Variants in KCTD3 observed in about 807,000 individuals in gnomAD.
KCTD3 encodes BTB/POZ domain-containing protein KCTD3.
KCTD3 carries 41 observed loss-of-function variants against 85.8 expected under a neutral mutation model. The ratio of observed to expected loss-of-function variants is 0.48; its 90% CI spans 0.37 to 0.62. KCTD3 has a LOEUF of 0.62. Among genes scored for constraint, KCTD3 ranks in the 20% least tolerant of loss-of-function variants. The probability of loss-of-function intolerance (pLI) is 0.00; values close to 1 mark genes in which losing one functional copy is unlikely to be tolerated. For missense variants in KCTD3, 724 were observed against 989.9 expected, an observed-to-expected ratio of 0.73 and a Z score of 3.60; for synonymous variants, 338 against 345.4, an observed-to-expected ratio of 0.98 and a Z score of 0.24.
At chr1:215,569,689 A>G (rs138888709) in intron 1 of KCTD3, among the ~76,000 whole-genome samples, 2,326 of 146,344 alleles carry the variant, frequency 0.016, 53 homozygotes, top group African/African-American at 0.054. Context: ...TCCGCCTCCC[A>G]GGTTCGCGCC....
rs1655617585 is a variant in KCTD3, at chr1:215,620,258, A to G, written c.2088A>G (p.Glu696=). Residue 696 remains glutamate, a synonymous_variant, in exon 18 of 18, where the codon GAA becomes GAG. Coordinates refer to ENST00000259154, the MANE Select transcript of KCTD3 (RefSeq NM_016121.5). ...ENGNLGPIQA[E]VKGATGECNI... is the part of the protein sequence containing the mutation. The stretch of plus-strand genomic sequence containing the variant: ...GTAACTTGGGTCCAATACAAGCTGA[A>G]GTGAAAGGGGCAACAGGGGAATGTA... 1 of 1,613,852 alleles carries G rather than the reference A, an allele frequency of 6.2e-7. No homozygotes were observed. The highest frequency in any genetic ancestry group is 8.5e-7 in the Non-Finnish European group (1 of 1,179,872).
intron 3 of KCTD3, among the ~76,000 whole-genome samples, chr1:215,575,054 C>T (rs1281390123): frequency 6.6e-6 from 1 of 152,082 alleles, no homozygotes; most frequent in African/African-American, 2.4e-5. Context: ...AAGTTCAAGA[C>T]CAGCATGGCC....
intron 15 of KCTD3, among the ~76,000 whole-genome samples, chr1:215,616,062 G>A (rs1655435223): frequency 6.6e-6 from 1 of 152,146 alleles, no homozygotes; most frequent in African/African-American, 2.4e-5. Flanking sequence ...TATGCTTCAT[G>A]GCTAGCTTTG....
chr1:215,588,492 T>A (rs1660097700), intron 9 of KCTD3, among the ~76,000 whole-genome samples: 1 of 151,944 alleles, frequency 6.6e-6, no homozygotes, highest in Non-Finnish European at 1.5e-5. Context: ...AATGCAATGG[T>A]CACTAGTAAA....
At chr1:215,596,203 G>A (rs532057919) in intron 10 of KCTD3, among the ~76,000 whole-genome samples, 1 of 152,304 alleles carries the variant, frequency 6.6e-6, no homozygotes, top group African/African-American at 2.4e-5. Context: ...TGACAATCCA[G>A]TAGCTAGTAG....
At position 215,602,207 on chromosome 1, in the gene KCTD3, T is replaced by C. The variant is rs774091695; in HGVS notation, c.1138+6T>C. On this transcript the variant is annotated splice_donor_region_variant and intron_variant, in intron 12 of 17. Transcript: ENST00000259154. Reference sequence around the variant, plus strand: ...TTACCTCACACCCAAAACAAGTTAGTACATGGCCAATTATATACATTCTTG... The same window carrying C: ...TTACCTCACACCCAAAACAAGTTAGCACATGGCCAATTATATACATTCTTG... 1.5e-6 allele frequency: 2 copies of C among 1,353,094 alleles called. No homozygotes were observed. The highest frequency in any genetic ancestry group is 2.1e-6 in the Non-Finnish European group (2 of 955,662). 83.8% of individuals were successfully genotyped at this position (1,353,094 alleles called of 1,614,324 possible). A position where few individuals can be genotyped will look rare whatever the true frequency, so the allele number is the denominator to read the frequency against.
Position 215,575,972 on chromosome 1 carries a change from A to G in KCTD3, c.255A>G (p.Leu85=). 1 of 1,469,242 alleles carries G rather than the reference A, an allele frequency of 6.8e-7. No homozygotes were observed. The highest frequency in any genetic ancestry group is 9.4e-7 in the Non-Finnish European group (1 of 1,067,142). The allele number at this position is 1,469,242 out of a possible 1,614,324, so 91.0% of individuals were successfully genotyped here. The stretch of plus-strand genomic sequence containing the variant: ...TTCTTCGGACAAAAGAACTAGACTT[A>G]AGGTAAGAAATGCACTCTTTTTAAA... ...LNFLRTKELD[L]RGVSINVLRH... Residue 85 remains leucine (L), a splice_region_variant and synonymous_variant, in exon 4 of 18, where the codon TTA becomes TTG. Transcript: ENST00000259154.
chr1:215,569,149 G>A (rs1435270661), intron 1 of KCTD3, among the ~76,000 whole-genome samples: 1 of 148,628 alleles, frequency 6.7e-6, no homozygotes, highest in Non-Finnish European at 1.5e-5. Context: ...TTGAGACGGA[G>A]TCTTGCTCTG....
chr1:215,609,722 A>G (rs1424124958), intron 14 of KCTD3, among the ~76,000 whole-genome samples: 1 of 151,912 alleles, frequency 6.6e-6, no homozygotes, highest in Non-Finnish European at 1.5e-5. Context: ...TGAGAAATGG[A>G]GTAGCTGAGT....
At chr1:215,569,267 C>T (rs1161030452) in intron 1 of KCTD3, among the ~76,000 whole-genome samples, 1 of 151,342 alleles carries the variant, frequency 6.6e-6, no homozygotes, top group South Asian at 2.1e-4. Flanking sequence ...GTCACAGGCG[C>T]GCGCCACCAC....
intron 1 of KCTD3, among the ~76,000 whole-genome samples, chr1:215,569,420 A>C (rs1043673202): frequency 2.0e-5 from 3 of 152,006 alleles, no homozygotes; most frequent in Non-Finnish European, 1.5e-5. Flanking sequence ...CGCCTGGCCG[A>C]TAGTTAATAT....
chr1:215,616,701 A>C (rs1306359861), intron 15 of KCTD3, among the ~76,000 whole-genome samples: 1 of 152,208 alleles, frequency 6.6e-6, no homozygotes, highest in African/African-American at 2.4e-5. Flanking sequence ...CAGAGGTTGC[A>C]GTGAGCCGAG....
In KCTD3 at chr1:215,608,177, G is replaced by GT; in HGVS notation, c.1465+7dup. The GT allele has an allele frequency of 1.9e-6, 3 of 1,605,064 alleles. No homozygotes were observed. Among genetic ancestry groups the GT allele is most frequent in the Non-Finnish European group, 1.7e-6 (2 of 1,175,932 alleles). ...ATTCCTCTGGAAATGACATAGGTGGGTTAGGTTATTTTAGGGCATTTTTAG... is the reference window on the plus strand; with the variant it reads ...ATTCCTCTGGAAATGACATAGGTGGGTTTAGGTTATTTTAGGGCATTTTTAG... On this transcript the variant is annotated splice_donor_region_variant and intron_variant, in intron 14 of 17. Coordinates refer to ENST00000259154, the MANE Select transcript of KCTD3 (RefSeq NM_016121.5).
At chr1:215,590,459 C>T (rs144526691) in intron 9 of KCTD3, among the ~76,000 whole-genome samples, 13 of 152,244 alleles carry the variant, frequency 8.5e-5, no homozygotes, top group East Asian at 5.8e-4. Flanking sequence ...CTCCCTTGCT[C>T]GCTCCCTCTT....
Position 215,567,680 on chromosome 1 carries a change from C to T in KCTD3, c.-6C>T. On this transcript the variant is annotated 5_prime_UTR_variant, in exon 1 of 18. Coordinates refer to ENST00000259154, the MANE Select transcript of KCTD3 (RefSeq NM_016121.5). The stretch of plus-strand genomic sequence containing the variant: ...AGGGCGGCGAGCGCGTCCGGAGCCG[C>T]CGGAGATGGCGGGAGGGCACTGCGG... 8.1e-7 allele frequency: 1 copy of T among 1,237,544 alleles called. No homozygotes were observed. 76.7% of individuals were successfully genotyped at this position (1,237,544 alleles called of 1,614,324 possible).
intron 14 of KCTD3, 129 bp downstream of exon 14, chr1:215,608,301 A>G (rs767382243): frequency 5.4e-6 from 3 of 560,450 alleles, no homozygotes; most frequent in Non-Finnish European, 8.8e-6. Flanking sequence ...AATTCTAAAC[A>G]GAATTTTAGT....
chr1:215,607,907 G>A, intron 13 of KCTD3, 110 bp from the exon 14 acceptor site: 1 of 700,000 alleles, frequency 1.4e-6, no homozygotes, highest in Non-Finnish European at 2.1e-6. Context: ...AGATAAATAT[G>A]TCATTTGCCA....
intron 7 of KCTD3, among the ~76,000 whole-genome samples, chr1:215,579,707 C>G (rs1659738797): frequency 6.6e-6 from 1 of 151,940 alleles, no homozygotes; most frequent in East Asian, 1.9e-4. Flanking sequence ...ACCGTGTTAG[C>G]CAGTATGGTC....
chr1:215,577,746 A>G lies in KCTD3; in HGVS notation c.316+18A>G. On this transcript the variant is annotated intron_variant, in intron 5 of 17. Transcript: ENST00000259154. ...TCCATTAGGTATGTGCTCTTTTAAT[A>G]TTTGGTGTTTATGATTTGACTCATG... is the stretch of plus-strand genomic sequence containing the variant. 6.4e-7 allele frequency: 1 copy of G among 1,555,702 alleles called. No individual in the cohort carries two copies. Among genetic ancestry groups the G allele is most frequent in the Non-Finnish European group, 8.9e-7 (1 of 1,127,080 alleles).
Sources: allele counts gnomAD v4.1 joint callset (sites outside exome capture counted in the v4.1 genomes callset), GRCh38; gene constraint gnomAD v4.1.1; transcripts MANE v1.5; gene names NCBI Gene and HGNC (gene_info 2026-07-23, HGNC 2026-07-21).